ADAMTS17: variants seen among roughly 807,000 people sequenced by gnomAD.
ADAMTS17 encodes the protein A disintegrin and metalloproteinase with thrombospondin motifs 17.
ADAMTS17 carries 113 observed loss-of-function variants against 141.5 expected under a neutral mutation model. The observed-to-expected ratio is 0.80, with a 90% confidence interval of 0.69 to 0.93. The LOEUF (loss-of-function observed/expected upper bound fraction) is 0.93. Ranked by LOEUF, ADAMTS17 falls within the 40% of genes least tolerant of loss-of-function variation. The pLI is 0.00. For missense variants in ADAMTS17, 1,659 were observed against 1,517.9 expected, an observed-to-expected ratio of 1.09 and a Z score of -1.54; for synonymous variants, 768 against 630.6, an observed-to-expected ratio of 1.22 and a Z score of -3.27.
chr15:100,151,790 C>A (rs1298985632), intron 10 of ADAMTS17, among the ~76,000 whole-genome samples: 1 of 152,178 alleles, frequency 6.6e-6, no homozygotes, highest in African/African-American at 2.4e-5. Context: ...CACAGATGGC[C>A]ACAGGCATGG....
chr15:100,041,303 G>C (rs1308788680), intron 18 of ADAMTS17, among the ~76,000 whole-genome samples: 1 of 152,224 alleles, frequency 6.6e-6, no homozygotes, highest in East Asian at 1.9e-4. Flanking sequence ...TACTGCCTGG[G>C]AAGAAGTTCA....
At chr15:100,115,056 T>G (rs1471294199) in intron 13 of ADAMTS17, among the ~76,000 whole-genome samples, 2 of 152,208 alleles carry the variant, frequency 1.3e-5, no homozygotes, top group Non-Finnish European at 2.9e-5. Flanking sequence ...ACCTGACCTC[T>G]TCTTGCTCCT....
chr15:100,112,129 G>T (rs529976488), intron 13 of ADAMTS17, among the ~76,000 whole-genome samples: 10 of 152,346 alleles, frequency 6.6e-5, no homozygotes, highest in African/African-American at 2.2e-4. Context: ...GACTTCAAAG[G>T]GATGAAGGCT....
chr15:100,131,517 C>G (rs2038044394), intron 12 of ADAMTS17, among the ~76,000 whole-genome samples: 1 of 151,992 alleles, frequency 6.6e-6, no homozygotes. Flanking sequence ...TCATTAGAGT[C>G]AATAAAAAGA....
intron 8 of ADAMTS17, among the ~76,000 whole-genome samples, chr15:100,193,945 C>T (rs1444389467): frequency 6.6e-6 from 1 of 152,236 alleles, no homozygotes; most frequent in East Asian, 1.9e-4. Flanking sequence ...GGCTGGAGAC[C>T]TCCCGTGGTT....
chr15:99,992,350 A>G (rs752208470), intron 20 of ADAMTS17, among the ~76,000 whole-genome samples: 9 of 152,216 alleles, frequency 5.9e-5, no homozygotes, highest in Non-Finnish European at 1.3e-4. Context: ...AACACGGTCT[A>G]TGCTTACAGG....
chr15:100,120,215 T>C (rs1183391800), intron 12 of ADAMTS17, among the ~76,000 whole-genome samples: 1 of 152,142 alleles, frequency 6.6e-6, no homozygotes, highest in African/African-American at 2.4e-5. Flanking sequence ...AAGAAACTAT[T>C]TTGAAACTCT....
intron 15 of ADAMTS17, among the ~76,000 whole-genome samples, chr15:100,059,286 C>T (rs79561823): frequency 0.014 from 2,178 of 152,362 alleles, 47 homozygotes; most frequent in African/African-American, 0.048. Context: ...CTGTGGCCAT[C>T]GCCGCAGTGG....
intron 4 of ADAMTS17, among the ~76,000 whole-genome samples, chr15:100,267,223 G>A (rs1414262774): frequency 6.6e-6 from 1 of 151,652 alleles, no homozygotes; most frequent in Non-Finnish European, 1.5e-5. Flanking sequence ...CCTCATGTAA[G>A]CAGAGTCATT....
intron 8 of ADAMTS17, among the ~76,000 whole-genome samples, chr15:100,170,933 A>G (rs535850472): frequency 1.3e-5 from 2 of 152,322 alleles, no homozygotes; most frequent in Non-Finnish European, 2.9e-5. Flanking sequence ...AAATAAGTAC[A>G]TGGTAGAAAT....
At chr15:100,198,896 A>G (rs1027906642) in intron 8 of ADAMTS17, among the ~76,000 whole-genome samples, 3 of 152,248 alleles carry the variant, frequency 2.0e-5, no homozygotes, top group African/African-American at 7.2e-5. Flanking sequence ...CTAAGACACT[A>G]AATTCTACAA....
intron 12 of ADAMTS17, among the ~76,000 whole-genome samples, chr15:100,120,753 A>G (rs916890275): frequency 1.3e-5 from 2 of 152,244 alleles, no homozygotes; most frequent in Non-Finnish European, 2.9e-5. Flanking sequence ...GAAGGGGTAC[A>G]ATCTATTTCT....
chr15:100,319,449 G>A (rs1225198961), intron 3 of ADAMTS17, among the ~76,000 whole-genome samples: 1 of 152,124 alleles, frequency 6.6e-6, no homozygotes, highest in African/African-American at 2.4e-5. Flanking sequence ...AGTGGCTCAC[G>A]CCTGTAATCC....
intron 18 of ADAMTS17, among the ~76,000 whole-genome samples, chr15:100,014,575 G>T (rs1205526228): frequency 6.6e-6 from 1 of 152,116 alleles, no homozygotes; most frequent in Non-Finnish European, 1.5e-5. Context: ...CTGTCGTTCA[G>T]TTCTAAGAAT....
chr15:100,179,246 C>T (rs375605974), intron 8 of ADAMTS17, among the ~76,000 whole-genome samples: 2 of 152,204 alleles, frequency 1.3e-5, no homozygotes, highest in Non-Finnish European at 2.9e-5. Flanking sequence ...GTCTTAGCCT[C>T]TGGTAACCAT....
chr15:100,013,350 T>C (rs562534433), intron 18 of ADAMTS17, among the ~76,000 whole-genome samples: 1 of 152,346 alleles, frequency 6.6e-6, no homozygotes, highest in South Asian at 2.1e-4. Flanking sequence ...TTTGACTTCC[T>C]CTTTACCAAT....
At chr15:100,033,406 C>G (rs775030143) in intron 18 of ADAMTS17, among the ~76,000 whole-genome samples, 4 of 152,196 alleles carry the variant, frequency 2.6e-5, no homozygotes, top group Non-Finnish European at 5.9e-5. Flanking sequence ...TCCCAGTACA[C>G]AGGGATTTTC....
intron 8 of ADAMTS17, among the ~76,000 whole-genome samples, chr15:100,181,512 G>A (rs1348301712): frequency 6.6e-6 from 1 of 152,204 alleles, no homozygotes; most frequent in Non-Finnish European, 1.5e-5. Context: ...CTGACTAGGG[G>A]CTCTTTAGCC....
At chr15:100,069,591 A>G (rs140325815) in intron 15 of ADAMTS17, among the ~76,000 whole-genome samples, 5,879 of 152,232 alleles carry the variant, frequency 0.039, 383 homozygotes, top group African/African-American at 0.13. Context: ...CCAATATTCA[A>G]CATTCTTAAA....
Sources: allele counts gnomAD v4.1 joint callset (sites outside exome capture counted in the v4.1 genomes callset), GRCh38; gene constraint gnomAD v4.1.1; transcripts MANE v1.5; gene names NCBI Gene and HGNC (gene_info 2026-07-23, HGNC 2026-07-21).